MAD1L1: variants seen among roughly 807,000 people sequenced by gnomAD.
MAD1L1 encodes mitotic arrest deficient 1 like 1.
MAD1L1 carries 95 observed loss-of-function variants against 96.9 expected under a neutral mutation model. The ratio of observed to expected loss-of-function variants is 0.98; its 90% CI spans 0.83 to 1.16. MAD1L1 has a LOEUF of 1.16. Among genes scored for constraint, MAD1L1 ranks in the 50% most tolerant of loss-of-function variants. The pLI is 0.00. For missense variants in MAD1L1, 1,007 were observed against 954.4 expected, an observed-to-expected ratio of 1.06 and a Z score of -0.73; for synonymous variants, 473 against 396.6, an observed-to-expected ratio of 1.19 and a Z score of -2.29.
chr7:1,866,642 G>T (rs1784792928), intron 18 of MAD1L1, among the ~76,000 whole-genome samples: 1 of 152,200 alleles, frequency 6.6e-6, no homozygotes, highest in Admixed American at 6.5e-5. Context: ...AGAGGCCATG[G>T]CACCTCTTGC....
chr7:2,140,308 G>A (rs78819642), intron 11 of MAD1L1, among the ~76,000 whole-genome samples: 145 of 152,246 alleles, frequency 9.5e-4, no homozygotes, highest in African/African-American at 3.0e-3. Context: ...AGCAGCCCCC[G>A]TCCGCCCTGC....
chr7:1,903,873 G>A (rs1583720557), intron 17 of MAD1L1, among the ~76,000 whole-genome samples: 1 of 137,846 alleles, frequency 7.3e-6, no homozygotes, highest in East Asian at 2.5e-4. Flanking sequence ...AGGACGCAGT[G>A]GCCTATGGAA....
intron 18 of MAD1L1, among the ~76,000 whole-genome samples, chr7:1,861,037 C>T (rs935672213): frequency 5.3e-5 from 8 of 152,368 alleles, no homozygotes; most frequent in Admixed American, 2.0e-4. Flanking sequence ...CCTCGGAAGC[C>T]GTCACTGGGA....
chr7:2,140,924 A>T (rs1174248118), intron 11 of MAD1L1, among the ~76,000 whole-genome samples: 2 of 152,272 alleles, frequency 1.3e-5, no homozygotes, highest in African/African-American at 4.8e-5. Context: ...ATAAAAACTT[A>T]TTTAAAAAGC....
At chr7:1,970,331 CTTTT>C (rs34240381) in intron 15 of MAD1L1, among the ~76,000 whole-genome samples, 75 of 116,508 alleles carry the variant, frequency 6.4e-4, no homozygotes, top group African/African-American at 2.2e-3. Context: ...TTAATTTTTA[CTTTT>C]TTTTTTTTTT....
chr7:2,168,462 C>T (rs910190873), intron 10 of MAD1L1, among the ~76,000 whole-genome samples: 2 of 152,234 alleles, frequency 1.3e-5, no homozygotes, highest in Non-Finnish European at 2.9e-5. Flanking sequence ...GGCCTCAGAA[C>T]TCTAGAAAGG....
At chr7:1,939,742 CG>C (rs376077792) in intron 16 of MAD1L1, among the ~76,000 whole-genome samples, 197 of 152,356 alleles carry the variant, frequency 1.3e-3, no homozygotes, top group Non-Finnish European at 2.5e-3. Context: ...ACACACCCCA[CG>C]GGGTGAAGAG....
chr7:2,061,556 C>T (rs1784661448), intron 12 of MAD1L1, among the ~76,000 whole-genome samples: 1 of 152,122 alleles, frequency 6.6e-6, no homozygotes. Context: ...GGTGAGGACC[C>T]GGAGGGACCA....
intron 3 of MAD1L1, among the ~76,000 whole-genome samples, chr7:2,226,871 C>A (rs995752080): frequency 1.8e-4 from 28 of 151,354 alleles, no homozygotes; most frequent in South Asian, 8.3e-4. Flanking sequence ...GCACCTGTAA[C>A]CCCAGCTACT....
At chr7:2,046,275 C>G (rs1300505538) in intron 12 of MAD1L1, among the ~76,000 whole-genome samples, 1 of 152,168 alleles carries the variant, frequency 6.6e-6, no homozygotes, top group Non-Finnish European at 1.5e-5. Flanking sequence ...GCAGCGCAGG[C>G]AAATAAGATC....
chr7:1,886,428 T>C (rs1425792188), intron 18 of MAD1L1, among the ~76,000 whole-genome samples: 1 of 152,186 alleles, frequency 6.6e-6, no homozygotes, highest in Non-Finnish European at 1.5e-5. Context: ...TGTGCAAATC[T>C]CAGCCTGTGT....
intron 12 of MAD1L1, among the ~76,000 whole-genome samples, chr7:2,040,780 T>C (rs1343021413): frequency 6.6e-6 from 1 of 152,196 alleles, no homozygotes; most frequent in East Asian, 1.9e-4. Flanking sequence ...CTCACTATGC[T>C]CATTCCATAG....
chr7:1,958,713 G>C (rs1485511900), intron 15 of MAD1L1, among the ~76,000 whole-genome samples: 1 of 152,206 alleles, frequency 6.6e-6, no homozygotes, highest in African/African-American at 2.4e-5. Flanking sequence ...ATAATGAAGA[G>C]ATTAACCAAA....
At chr7:2,107,486 T>A (rs1250564434) in intron 11 of MAD1L1, 1 of 152,574 alleles carries the variant, frequency 6.6e-6, no homozygotes, top group Non-Finnish European at 1.5e-5. Flanking sequence ...CTTCCGACTG[T>A]GTGAGGTAAC....
intron 12 of MAD1L1, among the ~76,000 whole-genome samples, chr7:2,042,799 C>T (rs769723951): frequency 5.9e-5 from 9 of 152,094 alleles, no homozygotes; most frequent in Non-Finnish European, 8.8e-5. Context: ...CTGTACAGTC[C>T]GCAGAATGAC....
chr7:2,133,701 C>A (rs1050009025), intron 11 of MAD1L1, among the ~76,000 whole-genome samples: 3 of 152,196 alleles, frequency 2.0e-5, no homozygotes, highest in Non-Finnish European at 2.9e-5. Context: ...GGTATGTGAT[C>A]CACTCTGAGT....
At chr7:1,855,048 G>A (rs1784174069) in intron 18 of MAD1L1, among the ~76,000 whole-genome samples, 1 of 152,208 alleles carries the variant, frequency 6.6e-6, no homozygotes, top group Non-Finnish European at 1.5e-5. Flanking sequence ...TCTGAAGAAG[G>A]CATCGGCGGC....
At chr7:2,179,178 G>A (rs1188877504) in intron 10 of MAD1L1, among the ~76,000 whole-genome samples, 1 of 152,098 alleles carries the variant, frequency 6.6e-6, no homozygotes, top group Non-Finnish European at 1.5e-5. Context: ...AGTGCGCCTG[G>A]GGCATTTTAA....
intron 16 of MAD1L1, among the ~76,000 whole-genome samples, chr7:1,957,366 T>C (rs1467830226): frequency 1.3e-5 from 2 of 152,150 alleles, no homozygotes; most frequent in African/African-American, 4.8e-5. Flanking sequence ...GTGGGCATAG[T>C]GCAAATCTGC....
Sources: allele counts gnomAD v4.1 joint callset (sites outside exome capture counted in the v4.1 genomes callset), GRCh38; gene constraint gnomAD v4.1.1; transcripts MANE v1.5; gene names NCBI Gene and HGNC (gene_info 2026-07-23, HGNC 2026-07-21).